The following OXR1 variants were observed in gnomAD, a reference collection of about 807,000 sequenced individuals.
OXR1 encodes the protein oxidation resistance protein 1.
In OXR1, 41 loss-of-function variants were observed where a neutral mutation model predicts 104.6. The observed-to-expected ratio is 0.39, with a 90% CI of 0.31 to 0.51. OXR1 has a LOEUF of 0.51. Ranked by LOEUF, OXR1 falls within the 20% of genes least tolerant of loss-of-function variation. The pLI is 0.77. For missense variants in OXR1, 955 were observed against 1,031.9 expected (o/e 0.93, Z 1.02); for synonymous variants, 348 against 348.4 (o/e 1.00, Z 0.01).
intron 1 of OXR1, among the ~76,000 whole-genome samples, chr8:106,300,076 A>G (rs1242306643): frequency 6.6e-6 from 1 of 152,200 alleles, no homozygotes; most frequent in Non-Finnish European, 1.5e-5. Flanking sequence ...AGTTCTTTAT[A>G]GTTATGGTAT....
intron 1 of OXR1, among the ~76,000 whole-genome samples, chr8:106,350,784 G>T (rs921065722): frequency 6.6e-6 from 1 of 152,174 alleles, no homozygotes; most frequent in Non-Finnish European, 1.5e-5. Flanking sequence ...GTTCTAGAGA[G>T]ACACATATCT....
At chr8:106,421,352 G>T (rs1818897502) in intron 2 of OXR1, among the ~76,000 whole-genome samples, 1 of 152,138 alleles carries the variant, frequency 6.6e-6, no homozygotes, top group Non-Finnish European at 1.5e-5. Context: ...TGCCAAAATA[G>T]TAGAATGCAT....
At chr8:106,562,152 A>G (rs1218603152) in intron 3 of OXR1, among the ~76,000 whole-genome samples, 1 of 152,178 alleles carries the variant, frequency 6.6e-6, no homozygotes, top group Admixed American at 6.5e-5. Context: ...AGGCTTCAGA[A>G]GATGAGTAAT....
intron 1 of OXR1, among the ~76,000 whole-genome samples, chr8:106,313,808 CA>C (rs567816885): frequency 3.8e-3 from 573 of 152,310 alleles, no homozygotes; most frequent in Middle Eastern, 0.017. Flanking sequence ...CTCATCCTAT[CA>C]CACTCAACAT....
intron 2 of OXR1, among the ~76,000 whole-genome samples, chr8:106,412,040 G>A (rs1818476530): frequency 1.3e-5 from 2 of 152,126 alleles, no homozygotes; most frequent in Admixed American, 1.3e-4. Flanking sequence ...GGATTATTGT[G>A]AAGATTAAAT....
At chr8:106,434,016 T>C (rs1819469643) in intron 2 of OXR1, among the ~76,000 whole-genome samples, 1 of 152,292 alleles carries the variant, frequency 6.6e-6, no homozygotes, top group Middle Eastern at 3.4e-3. Context: ...CCCATAAAAA[T>C]CTAAAAGTCA....
chr8:106,657,057 AAAGG>A (rs1165680056), intron 3 of OXR1, among the ~76,000 whole-genome samples: 1 of 152,154 alleles, frequency 6.6e-6, no homozygotes, highest in East Asian at 1.9e-4. Flanking sequence ...AACAGATGTG[AAAGG>A]AAGAGAATAA....
At chr8:106,627,453 C>G (rs950237916) in intron 3 of OXR1, among the ~76,000 whole-genome samples, 3 of 152,100 alleles carry the variant, frequency 2.0e-5, no homozygotes, top group Non-Finnish European at 4.4e-5. Flanking sequence ...TGATAGCCAT[C>G]TGATGGTTAA....
chr8:106,466,315 G>T (rs973080052), intron 2 of OXR1, among the ~76,000 whole-genome samples: 1 of 151,826 alleles, frequency 6.6e-6, no homozygotes, highest in African/African-American at 2.4e-5. Context: ...TAATATTATT[G>T]TTTTGAAATA....
chr8:106,382,696 T>TG (rs1384654179), intron 2 of OXR1, among the ~76,000 whole-genome samples: 3 of 146,388 alleles, frequency 2.0e-5, no homozygotes, highest in South Asian at 4.3e-4. Flanking sequence ...TTTTTTTTTT[T>TG]TTTTTTTTTT....
rs145437420 is a variant in OXR1 at position 106,467,531 on chromosome 8, C to A, written c.24-51412C>A. On this transcript the variant is annotated intron_variant, in intron 2 of 16. Transcript: ENST00000517566. ...GGCCTCCATATCTCACAGGGATGATCTTGATGGAAGCTATACTTACAAAAG... is the reference window on the plus strand; with the variant it reads ...GGCCTCCATATCTCACAGGGATGATATTGATGGAAGCTATACTTACAAAAG... 5.8e-3 allele frequency among the ~76,000 whole-genome samples: 885 copies of A among 151,938 alleles called. 7 individuals carry two copies. The highest frequency in any genetic ancestry group is 9.4e-3 in the Admixed American group (143 of 15,210).
At chr8:106,371,390 C>G (rs1332714268) in intron 2 of OXR1, among the ~76,000 whole-genome samples, 2 of 150,570 alleles carry the variant, frequency 1.3e-5, no homozygotes, top group Non-Finnish European at 3.0e-5. Context: ...TTTTGTGTCT[C>G]TATCTCCTTC....
chr8:106,618,632 T>C (rs1246422504), intron 3 of OXR1, among the ~76,000 whole-genome samples: 1 of 152,154 alleles, frequency 6.6e-6, no homozygotes, highest in East Asian at 1.9e-4. Context: ...CATGTTGCCT[T>C]ACCTTATTCT....
rs1411230273 is a variant in OXR1 at position 106,742,217 on chromosome 8, C to T, written c.2317-5C>T. 5 of 1,550,684 alleles carry T rather than the reference C, an allele frequency of 3.2e-6. No individual in the cohort carries two copies. In the Admixed American group the frequency reaches 6.8e-5, roughly 21 times the overall value. On this transcript the variant is annotated splice_polypyrimidine_tract_variant and splice_region_variant and intron_variant, in intron 14 of 16. Transcript: ENST00000517566. ...TGTCATTGAATATGCCTTTTTTATC[C>T]TTAGGTTTTTGGTGCGTTAGCATCT...
At chr8:106,595,577 A>C (rs1297577031) in intron 3 of OXR1, among the ~76,000 whole-genome samples, 1 of 151,550 alleles carries the variant, frequency 6.6e-6, no homozygotes, top group Admixed American at 6.6e-5. Context: ...AAAAGAAAAG[A>C]AAAAGAAAAC....
At chr8:106,420,357 T>C (rs1406961055) in intron 2 of OXR1, among the ~76,000 whole-genome samples, 4 of 151,950 alleles carry the variant, frequency 2.6e-5, no homozygotes, top group Admixed American at 6.6e-5. Flanking sequence ...GTATGAGAAA[T>C]AAATATATTA....
chr8:106,381,310 C>T (rs756157545), intron 2 of OXR1, among the ~76,000 whole-genome samples: 1 of 152,018 alleles, frequency 6.6e-6, no homozygotes, highest in African/African-American at 2.4e-5. Context: ...GAAGACTTGC[C>T]TCCATTAAGC....
intron 1 of OXR1, among the ~76,000 whole-genome samples, chr8:106,293,129 GGAAA>G (rs1311524108): frequency 2.6e-5 from 4 of 152,186 alleles, no homozygotes; most frequent in African/African-American, 9.6e-5. Flanking sequence ...TGGATGTGAG[GGAAA>G]GAGAACTGGG....
Position 106,401,370 on chromosome 8 carries a change from G to A in OXR1, c.23+41734G>A, listed in dbSNP as rs568054292. Reference sequence around the variant, plus strand: ...CTTATCTTCCTCTAATTAAGCGTTCGGTGTCTACTAAGGCCTGGTAACTGT... The same window carrying A: ...CTTATCTTCCTCTAATTAAGCGTTCAGTGTCTACTAAGGCCTGGTAACTGT... On this transcript the variant is annotated intron_variant, in intron 2 of 16. Transcript: ENST00000517566. 1.8e-3 allele frequency among the ~76,000 whole-genome samples: 269 copies of A among 152,212 alleles called. 1 individual carries two copies. Among genetic ancestry groups the A allele is most frequent in the African/African-American group, 6.4e-3 (264 of 41,546 alleles).
Sources: gnomAD v4.1 joint callset for allele counts (sites outside exome capture counted in the v4.1 genomes callset) on GRCh38, gnomAD v4.1.1 for gene constraint, MANE v1.5 for transcripts, NCBI Gene and HGNC (gene_info 2026-07-23, HGNC 2026-07-21) for gene names.